Variants in TBC1D5 observed in about 807,000 individuals in gnomAD.
TBC1D5 encodes the protein TBC1 domain family, member 5.
In TBC1D5, 75 loss-of-function variants were observed where a neutral mutation model predicts 100.3. That is an observed-to-expected ratio of 0.75 (90% CI 0.62 to 0.91). The LOEUF is 0.91. TBC1D5 is among the 40% of genes least tolerant of loss of function. TBC1D5 has a pLI of 0.00. For synonymous variants in TBC1D5, 323 were observed against 325.6 expected, an observed-to-expected ratio of 0.99 and a Z score of 0.09; for missense variants, 910 against 942.4, an observed-to-expected ratio of 0.97 and a Z score of 0.45.
chr3:17,167,017 C>T, intron 20 of TBC1D5, 89 bp from the exon 22 acceptor site: 4 of 1,194,550 alleles, frequency 3.3e-6, no homozygotes, highest in Non-Finnish European at 4.5e-6. Context: ...TTGAACTAGC[C>T]TTGTCATCAA....
At chr3:17,258,233 C>G (rs1205626290) in intron 16 of TBC1D5, among the ~76,000 whole-genome samples, 2 of 152,056 alleles carry the variant, frequency 1.3e-5, no homozygotes, top group African/African-American at 2.4e-5. Context: ...CAAGTAGGCA[C>G]AATTTATGCA....
Position 17,530,922 on chromosome 3 carries a change from T to A in TBC1D5, c.-35-22317A>T, listed in dbSNP as rs547188659. On this transcript the variant is annotated intron_variant, in intron 2 of 21. Coordinates refer to ENST00000253692, the Ensembl canonical transcript of TBC1D5. ...GGAAGCATTCCCTTTGAAAACTGGC[T>A]CAAGACAGGGATGCCCTCTCTCACC... Among the ~76,000 whole-genome samples the A allele has an allele frequency of 2.3e-4, 35 of 152,196 alleles. 1 individual carries two copies. Among genetic ancestry groups the A allele is most frequent in the Non-Finnish European group, 2.2e-4 (15 of 68,004 alleles).
chr3:17,426,424 T>G (rs1057156030), intron 4 of TBC1D5, among the ~76,000 whole-genome samples: 14 of 152,194 alleles, frequency 9.2e-5, no homozygotes, highest in African/African-American at 3.1e-4. Flanking sequence ...ATTTCACACC[T>G]TAAATACTAT....
chr3:17,280,269 T>C (rs2080437607), intron 15 of TBC1D5, among the ~76,000 whole-genome samples: 1 of 152,098 alleles, frequency 6.6e-6, no homozygotes, highest in Non-Finnish European at 1.5e-5. Context: ...GGATGAGCAA[T>C]CAGCCAAGTG....
intron 18 of TBC1D5, among the ~76,000 whole-genome samples, chr3:17,204,218 C>T (rs1439652189): frequency 3.3e-5 from 5 of 152,176 alleles, no homozygotes; most frequent in African/African-American, 1.2e-4. Context: ...AAGAAGAGGA[C>T]AACCATGCAG....
intron 1 of TBC1D5, among the ~76,000 whole-genome samples, chr3:17,720,425 C>A (rs936972108): frequency 6.6e-6 from 1 of 152,164 alleles, no homozygotes; most frequent in Non-Finnish European, 1.5e-5. Context: ...GTCATCACTA[C>A]TCAATGAGAG....
At chr3:17,494,263 C>T (rs1250756028) in intron 3 of TBC1D5, among the ~76,000 whole-genome samples, 4 of 152,182 alleles carry the variant, frequency 2.6e-5, no homozygotes, top group African/African-American at 9.7e-5. Flanking sequence ...GACTGCAGAA[C>T]AGCAAAGATG....
intron 1 of TBC1D5, among the ~76,000 whole-genome samples, chr3:17,693,930 G>T (rs140471967): frequency 6.6e-6 from 1 of 152,168 alleles, no homozygotes; most frequent in Non-Finnish European, 1.5e-5. Context: ...TGCAGCCTCC[G>T]CTGGTGATAC....
At chr3:17,587,853 T>C (rs1396357845) in intron 2 of TBC1D5, among the ~76,000 whole-genome samples, 3 of 152,066 alleles carry the variant, frequency 2.0e-5, no homozygotes, top group Non-Finnish European at 2.9e-5. Context: ...TTTCTCATCT[T>C]TCTTTTGTAA....
intron 3 of TBC1D5, among the ~76,000 whole-genome samples, chr3:17,448,075 G>C (rs2094840134): frequency 1.3e-5 from 2 of 152,200 alleles, no homozygotes; most frequent in South Asian, 4.1e-4. Flanking sequence ...CAGACAGGCA[G>C]ATCACCGGAG....
At chr3:17,544,390 C>T (rs1399420514) in intron 2 of TBC1D5, among the ~76,000 whole-genome samples, 1 of 152,160 alleles carries the variant, frequency 6.6e-6, no homozygotes, top group African/African-American at 2.4e-5. Context: ...CACTGGCTCA[C>T]GCTTGTAATC....
chr3:17,317,489 C>A (rs1034852936), intron 13 of TBC1D5, among the ~76,000 whole-genome samples: 4 of 152,130 alleles, frequency 2.6e-5, no homozygotes, highest in African/African-American at 9.7e-5. Context: ...ATTACCTTTT[C>A]TACTAGTGAA....
chr3:17,556,397 T>C (rs2096521283), intron 2 of TBC1D5, among the ~76,000 whole-genome samples: 1 of 152,206 alleles, frequency 6.6e-6, no homozygotes, highest in Admixed American at 6.5e-5. Flanking sequence ...ATTTTCATCA[T>C]CATCTTCACC....
In TBC1D5 at chr3:17,261,490, G is replaced by C. The variant is rs373243276; in HGVS notation, c.1246-2899C>G. ...TTTGGGGGGTGGGGTGGGGTGGGGG[G>C]GGAGACAGGGTCTCATTCTGTCGCC... On this transcript the variant is annotated intron_variant, in intron 15 of 21. Coordinates refer to ENST00000253692, the Ensembl canonical transcript of TBC1D5. 4.6e-4 allele frequency among the ~76,000 whole-genome samples: 70 copies of C among 151,720 alleles called. 1 individual carries two copies. In the East Asian group the frequency reaches 8.8e-3, roughly 19 times the overall value.
At chr3:17,275,683 G>A (rs1383598437) in intron 15 of TBC1D5, among the ~76,000 whole-genome samples, 5 of 152,150 alleles carry the variant, frequency 3.3e-5, no homozygotes, top group African/African-American at 1.2e-4. Flanking sequence ...TATATCTAAT[G>A]AAATAAGATG....
At chr3:17,258,124 T>G (rs1051768673) in intron 16 of TBC1D5, among the ~76,000 whole-genome samples, 1 of 152,056 alleles carries the variant, frequency 6.6e-6, no homozygotes, top group Non-Finnish European at 1.5e-5. Context: ...TAAAGACAGT[T>G]GGGAAACACA....
intron 2 of TBC1D5, among the ~76,000 whole-genome samples, chr3:17,543,389 G>T (rs74345393): frequency 1.3e-5 from 2 of 152,182 alleles, no homozygotes; most frequent in South Asian, 4.1e-4. Context: ...TCCCAGCACC[G>T]TGGGAGGCCA....
chr3:17,342,873 C>A (rs1281985690), intron 13 of TBC1D5, among the ~76,000 whole-genome samples: 8 of 152,130 alleles, frequency 5.3e-5, no homozygotes, highest in Non-Finnish European at 1.2e-4. Flanking sequence ...ATACTTTTCC[C>A]TTATATGTAT....
chr3:17,358,333 T>G (rs1342743259), intron 13 of TBC1D5, among the ~76,000 whole-genome samples: 2 of 152,050 alleles, frequency 1.3e-5, no homozygotes, highest in Non-Finnish European at 2.9e-5. Flanking sequence ...TACAGGCATG[T>G]GCCACCAGGC....
Sources: allele counts gnomAD v4.1 joint callset (sites outside exome capture counted in the v4.1 genomes callset), GRCh38; gene constraint gnomAD v4.1.1; transcripts MANE v1.5; gene names NCBI Gene and HGNC (gene_info 2026-07-23, HGNC 2026-07-21).